The following NDUFA5 variants were observed in gnomAD, a reference collection of about 807,000 sequenced individuals.
NDUFA5 encodes the protein NADH dehydrogenase [ubiquinone] 1 alpha subcomplex subunit 5.
NDUFA5 carries 11 observed loss-of-function variants against 19.8 expected under a neutral mutation model. The ratio of observed to expected loss-of-function variants is 0.56; its 90% CI spans 0.35 to 0.92. The LOEUF (loss-of-function observed/expected upper bound fraction) is 0.92. Ranked by LOEUF, NDUFA5 falls within the 40% of genes least tolerant of loss-of-function variation. NDUFA5 has a pLI of 0.01. For synonymous variants in NDUFA5, 47 were observed against 46.8 expected (o/e 1.00, Z -0.01); for missense variants, 109 against 134.2 (o/e 0.81, Z 0.93).
At chr7:123,571,993 G>GC in the NDUFA5 span, among the ~76,000 whole-genome samples, 13 of 151,852 alleles carry the variant, frequency 8.6e-5, no homozygotes, top group African/African-American at 2.9e-4. Flanking sequence ...TAGGGATCTT[G>GC]CCCAGGCTAG....
upstream of NDUFA5, among the ~76,000 whole-genome samples, chr7:123,560,411 C>T (rs558573857): frequency 6.6e-6 from 1 of 152,280 alleles, no homozygotes; most frequent in South Asian, 2.1e-4. Flanking sequence ...TTCACAGTTG[C>T]ATAATCTTTT....
At chr7:123,576,172 T>A in the NDUFA5 span, among the ~76,000 whole-genome samples, 1 of 151,718 alleles carries the variant, frequency 6.6e-6, no homozygotes, top group African/African-American at 2.4e-5. Flanking sequence ...CTATATTTTT[T>A]ATGGTCCTGT....
the NDUFA5 span, among the ~76,000 whole-genome samples, chr7:123,587,257 T>C: frequency 1.3e-5 from 2 of 151,678 alleles, no homozygotes; most frequent in Admixed American, 1.3e-4. Context: ...TGTACTCACC[T>C]TTCACCTCCT....
chr7:123,576,622 G>A, the NDUFA5 span, among the ~76,000 whole-genome samples: 8 of 152,058 alleles, frequency 5.3e-5, 1 homozygote, highest in South Asian at 4.1e-4. Flanking sequence ...CCACATCCTC[G>A]GCTTCTCTGA....
the NDUFA5 span, among the ~76,000 whole-genome samples, chr7:123,567,456 A>G: frequency 6.6e-6 from 1 of 152,214 alleles, no homozygotes; most frequent in Non-Finnish European, 1.5e-5. Context: ...CCTATCCAAT[A>G]AAAGAGCTCT....
chr7:123,557,691 G>A (rs573568001), intron 1 of NDUFA5, 84 bp downstream of exon 1: 8 of 1,614,008 alleles, frequency 5.0e-6, no homozygotes, highest in Admixed American at 3.3e-5. Flanking sequence ...CGACAGTAGG[G>A]GTCAACACCC....
chr7:123,594,178 T>C, the NDUFA5 span, among the ~76,000 whole-genome samples: 1 of 152,158 alleles, frequency 6.6e-6, no homozygotes, highest in Non-Finnish European at 1.5e-5. Context: ...TTGCCATTCC[T>C]CTAACCTTTT....
the NDUFA5 span, among the ~76,000 whole-genome samples, chr7:123,601,422 G>A: frequency 6.6e-6 from 1 of 152,130 alleles, no homozygotes; most frequent in Non-Finnish European, 1.5e-5. Context: ...CAAGAAGATT[G>A]TATTTAATGA....
At chr7:123,572,333 G>A in the NDUFA5 span, among the ~76,000 whole-genome samples, 1 of 151,206 alleles carries the variant, frequency 6.6e-6, no homozygotes, top group African/African-American at 2.4e-5. Context: ...GTAGAGACAG[G>A]TTTCACCATG....
upstream of NDUFA5, among the ~76,000 whole-genome samples, chr7:123,560,428 G>A (rs904113753): frequency 6.6e-6 from 1 of 152,178 alleles, no homozygotes; most frequent in African/African-American, 2.4e-5. Context: ...TTTTATATAG[G>A]ATTATTAAGG....
At position 123,537,207 on chromosome 7, in the gene NDUFA5, A is replaced by G. The variant is rs1230147140; in HGVS notation, c.*4912T>C. The G allele has an allele frequency of 6.6e-6, 1 of 152,148 alleles. No homozygotes were observed. Among genetic ancestry groups the G allele is most frequent in the East Asian group, 1.9e-4 (1 of 5,198 alleles). 9.4% of individuals were successfully genotyped at this position (152,148 alleles called of 1,614,324 possible). The stretch of plus-strand genomic sequence containing the variant: ...CCTTTATTCATCTCAGCATTTATTT[A>G]TGTAATAAACATTTCTTTTGATGTG... On this transcript the variant is annotated 3_prime_UTR_variant, in exon 5 of 5. Transcript: ENST00000355749.
the NDUFA5 span, among the ~76,000 whole-genome samples, chr7:123,593,246 T>A: frequency 2.6e-5 from 4 of 152,338 alleles, no homozygotes; most frequent in African/African-American, 9.6e-5. Context: ...CTGTGTCTTG[T>A]AATTGGGGCA....
chr7:123,561,835 A>T (rs1249369177), upstream of NDUFA5, among the ~76,000 whole-genome samples: 1 of 151,316 alleles, frequency 6.6e-6, no homozygotes, highest in African/African-American at 2.4e-5. Context: ...TGACCTCATG[A>T]TCCACCCACC....
At chr7:123,545,837 C>T (rs928059027) in intron 3 of NDUFA5, 161 bp from the exon 4 acceptor site, 1 of 546,218 alleles carries the variant, frequency 1.8e-6, no homozygotes, top group Admixed American at 3.6e-5. Context: ...TTCACCTCTG[C>T]TATTTCATTG....
chr7:123,548,689 T>C (rs1368382428), intron 3 of NDUFA5, among the ~76,000 whole-genome samples: 1 of 152,166 alleles, frequency 6.6e-6, no homozygotes, highest in Admixed American at 6.5e-5. Flanking sequence ...AGGCCTTCTA[T>C]ACCATGTTTT....
chr7:123,580,658 C>G, the NDUFA5 span, among the ~76,000 whole-genome samples: 1 of 152,024 alleles, frequency 6.6e-6, no homozygotes, highest in Non-Finnish European at 1.5e-5. Context: ...GAATGCAACC[C>G]TTCTCTAGGG....
intron 2 of NDUFA5, chr7:123,556,938 G>A (rs780127735): frequency 2.1e-6 from 1 of 478,378 alleles, no homozygotes; most frequent in Non-Finnish European, 4.1e-6. Context: ...GATTATAGAA[G>A]GGACAAGAAG....
At chr7:123,600,662 T>C in the NDUFA5 span, among the ~76,000 whole-genome samples, 1 of 152,206 alleles carries the variant, frequency 6.6e-6, no homozygotes, top group Non-Finnish European at 1.5e-5. Context: ...ACACAGTTAA[T>C]AGTGGTTTAA....
At chr7:123,566,119 T>C in the NDUFA5 span, among the ~76,000 whole-genome samples, 1 of 152,012 alleles carries the variant, frequency 6.6e-6, no homozygotes, top group Non-Finnish European at 1.5e-5. Context: ...CCTTATCCAG[T>C]GTCAATGATG....
Sources: gnomAD v4.1 joint callset for allele counts (sites outside exome capture counted in the v4.1 genomes callset) on GRCh38, gnomAD v4.1.1 for gene constraint, MANE v1.5 for transcripts, NCBI Gene and HGNC (gene_info 2026-07-23, HGNC 2026-07-21) for gene names.